XPO4: variants seen among roughly 807,000 people sequenced by gnomAD.
XPO4 encodes exportin 4, also known as exportin-4.
Under a neutral mutation model 143.0 loss-of-function variants are expected in XPO4, and 39 were observed. The observed-to-expected ratio is 0.27, with a 90% CI of 0.21 to 0.36. The LOEUF is 0.36. XPO4 is among the 10% of genes least tolerant of loss of function. XPO4 has a pLI of 1.00. For synonymous variants in XPO4, 439 were observed against 474.0 expected (o/e 0.93, Z 0.96); for missense variants, 907 against 1,348.0 (o/e 0.67, Z 5.12).
intron 20 of XPO4, among the ~76,000 whole-genome samples, chr13:20,787,990 C>T (rs1003601548): frequency 4.6e-5 from 7 of 151,630 alleles, no homozygotes; most frequent in African/African-American, 1.5e-4. Context: ...GAGGACAGGA[C>T]GAGGCAAACT....
intron 7 of XPO4, among the ~76,000 whole-genome samples, chr13:20,823,948 G>A (rs2818992): frequency 0.29 from 44,082 of 152,024 alleles, 8,068 homozygotes; most frequent in East Asian, 0.8. Context: ...CACCACGCCC[G>A]GCCAACATTC....
intron 12 of XPO4, 116 bp downstream of exon 12, chr13:20,808,320 T>C (rs376525566): frequency 8.9e-7 from 1 of 1,127,300 alleles, no homozygotes; most frequent in Non-Finnish European, 1.2e-6. Flanking sequence ...AAAATGGCTG[T>C]ATCCAAATTT....
intron 1 of XPO4, among the ~76,000 whole-genome samples, chr13:20,898,391 C>T (rs952862818): frequency 6.6e-6 from 1 of 152,070 alleles, no homozygotes; most frequent in African/African-American, 2.4e-5. Context: ...GTGTTGAAAC[C>T]TCATCTCTAC....
rs966568328 is a variant in XPO4 at position 20,864,055 on chromosome 13, C to T, written c.176-1197G>A. 2.0e-5 allele frequency among the ~76,000 whole-genome samples: 3 copies of T among 152,108 alleles called. No homozygotes were observed. In the East Asian group the frequency reaches 5.8e-4, roughly 29 times the overall value. On this transcript the variant is annotated intron_variant, in intron 2 of 22. Transcript: ENST00000255305. The stretch of plus-strand genomic sequence containing the variant: ...ACCACTAAGAGAAACCAATTTGAAC[C>T]TTTTTTTAAAGTTTTGATTATTCTA...
chr13:20,823,175 C>A (rs1566585719), intron 7 of XPO4, among the ~76,000 whole-genome samples: 1 of 152,192 alleles, frequency 6.6e-6, no homozygotes. Context: ...AAGTACTTAA[C>A]TAGCCCTTTT....
chr13:20,872,366 C>T (rs1402072935), intron 1 of XPO4, among the ~76,000 whole-genome samples: 1 of 152,142 alleles, frequency 6.6e-6, no homozygotes, highest in Non-Finnish European at 1.5e-5. Flanking sequence ...TCTCTATTAC[C>T]CAACTTAGCA....
intron 6 of XPO4, among the ~76,000 whole-genome samples, chr13:20,834,505 C>T (rs961963963): frequency 6.6e-6 from 1 of 151,394 alleles, no homozygotes; most frequent in Non-Finnish European, 1.5e-5. Flanking sequence ...CCCAAGAAGT[C>T]GAGGCTGCCA....
Position 20,795,006 on chromosome 13 carries a change from T to TA in XPO4, c.2797+1069_2797+1070insT, listed in dbSNP as rs756184992. ...ATTGGAAAAACCGTTGCCCAAGAAT[T>TA]TAAAAAAAAAAAAAAAAGACATGGT... On this transcript the variant is annotated intron_variant, in intron 18 of 22. Coordinates refer to ENST00000255305, the MANE Select transcript of XPO4 (RefSeq NM_022459.5). Among the ~76,000 whole-genome samples the TA allele has an allele frequency of 5.3e-4, 64 of 121,454 alleles. No individual in the cohort carries two copies. In the East Asian group the frequency reaches 7.2e-3, roughly 14 times the overall value. 79.7% of individuals were successfully genotyped at this position (121,454 alleles called of 152,430 possible). A position where few individuals can be genotyped will look rare whatever the true frequency, so the allele number is the denominator to read the frequency against.
At chr13:20,845,389 T>A (rs1474778778) in intron 4 of XPO4, among the ~76,000 whole-genome samples, 1 of 152,234 alleles carries the variant, frequency 6.6e-6, no homozygotes, top group East Asian at 1.9e-4. Context: ...GTTCTCTGAA[T>A]GTTACTGGTT....
At position 20,786,879 on chromosome 13, in the gene XPO4, G is replaced by A; in HGVS notation, c.3258+86C>T. The A allele has an allele frequency of 5.7e-6, 6 of 1,057,312 alleles. No individual in the cohort carries two copies. In the South Asian group the frequency reaches 1.0e-4, roughly 18 times the overall value. The allele number at this position is 1,057,312 out of a possible 1,614,324, so 65.5% of individuals were successfully genotyped here. ...GCACTGAGTCACAGATCCTATAAGGGGGGATTAATGACCCACCATCTATCT... is the reference window on the plus strand; with the variant it reads ...GCACTGAGTCACAGATCCTATAAGGAGGGATTAATGACCCACCATCTATCT... On this transcript the variant is annotated intron_variant, in intron 22 of 22. Transcript: ENST00000255305.
intron 1 of XPO4, among the ~76,000 whole-genome samples, chr13:20,893,419 C>CA (rs1254170056): frequency 2.0e-5 from 3 of 151,840 alleles, no homozygotes; most frequent in African/African-American, 4.8e-5. Flanking sequence ...CTAAGAAAGA[C>CA]AAAAAAGATG....
intron 6 of XPO4, among the ~76,000 whole-genome samples, chr13:20,828,024 G>T (rs1254415442): frequency 6.6e-6 from 1 of 152,140 alleles, no homozygotes; most frequent in Non-Finnish European, 1.5e-5. Flanking sequence ...GATCACCTGA[G>T]GTCAGGAGTT....
chr13:20,850,847 A>G (rs1259659315), intron 4 of XPO4: 85 of 985,450 alleles, frequency 8.6e-5, no homozygotes, highest in East Asian at 5.7e-4. Context: ...TTTCTGGCCA[A>G]TGAAGGTTGA....
intron 1 of XPO4, among the ~76,000 whole-genome samples, chr13:20,889,468 A>G (rs183032496): frequency 3.9e-5 from 6 of 152,304 alleles, no homozygotes; most frequent in Admixed American, 2.0e-4. Context: ...TCTGGTTGCC[A>G]CAACTGGGGA....
chr13:20,790,351 G>T, intron 19 of XPO4, 111 bp downstream of exon 19: 1 of 838,048 alleles, frequency 1.2e-6, no homozygotes, highest in Non-Finnish European at 2.0e-6. Flanking sequence ...ATCTTCATGT[G>T]CACTTAGCAG....
intron 6 of XPO4, among the ~76,000 whole-genome samples, chr13:20,827,617 TA>T (rs2059800447): frequency 6.6e-6 from 1 of 151,746 alleles, no homozygotes; most frequent in African/African-American, 2.4e-5. Flanking sequence ...CTTGGAAAAA[TA>T]GCATTTTTCC....
At chr13:20,898,062 C>T (rs1263909456) in intron 1 of XPO4, among the ~76,000 whole-genome samples, 4 of 152,102 alleles carry the variant, frequency 2.6e-5, no homozygotes, top group Non-Finnish European at 5.9e-5. Flanking sequence ...CAGGTTTTCT[C>T]ATTTATAAGG....
chr13:20,837,467 G>T (rs758509422), intron 6 of XPO4, among the ~76,000 whole-genome samples: 4 of 151,768 alleles, frequency 2.6e-5, no homozygotes, highest in African/African-American at 7.3e-5. Context: ...GTGCAATGGC[G>T]TAATCTCAGC....
At chr13:20,868,752 A>C (rs1373336015) in intron 1 of XPO4, 51 bp from the exon 2 acceptor site, 16 of 1,520,172 alleles carry the variant, frequency 1.1e-5, no homozygotes, top group Non-Finnish European at 9.0e-6. Flanking sequence ...ACAAAGCTTA[A>C]ATAATATCAA....
Sources: allele counts gnomAD v4.1 joint callset (sites outside exome capture counted in the v4.1 genomes callset), GRCh38; gene constraint gnomAD v4.1.1; transcripts MANE v1.5; gene names NCBI Gene and HGNC (gene_info 2026-07-23, HGNC 2026-07-21).